TRIM69: variants seen among roughly 807,000 people sequenced by gnomAD.
TRIM69 encodes tripartite motif containing 69.
In TRIM69, 29 loss-of-function variants were observed where a neutral mutation model predicts 37.7. The observed-to-expected ratio is 0.77, with a 90% CI of 0.57 to 1.05. The LOEUF (loss-of-function observed/expected upper bound fraction) is 1.05, where lower values mean the gene tolerates loss of function less well. Ranked by LOEUF, TRIM69 falls within the 50% of genes least tolerant of loss-of-function variation. TRIM69 has a pLI of 0.00. For synonymous variants in TRIM69, 209 were observed against 212.4 expected, an observed-to-expected ratio of 0.98 and a Z score of 0.14; for missense variants, 596 against 579.9, an observed-to-expected ratio of 1.03 and a Z score of -0.28.
rs1002466155 is a variant in TRIM69, at chr15:44,750,899, T to C, written c.7-4001T>C. Among the ~76,000 whole-genome samples the C allele has an allele frequency of 9.0e-4, 132 of 146,616 alleles. 1 individual carries two copies. The highest frequency in any genetic ancestry group is 7.1e-3 in the Middle Eastern group (2 of 280). ...GCCACCACGCCTGGCTGATTTTTTA[T>C]CTTTTTAGTAGATTGTTTTTCTATT... On this transcript the variant is annotated intron_variant, in intron 1 of 6. Transcript: ENST00000329464.
At chr15:44,738,233 A>ATTTT (rs11440122) in intron 1 of TRIM69, among the ~76,000 whole-genome samples, 1 of 143,692 alleles carries the variant, frequency 7.0e-6, no homozygotes, top group Non-Finnish European at 1.5e-5. Context: ...TAATTTTTGT[A>ATTTT]TTATTATTTT....
intron 1 of TRIM69, chr15:44,754,675 G>C: frequency 1.9e-6 from 1 of 524,768 alleles, no homozygotes; most frequent in East Asian, 3.0e-5. Flanking sequence ...CTTTGATTTA[G>C]TACTGTTTCT....
intron 2 of TRIM69, 117 bp from the exon 3 acceptor site, chr15:44,756,251 A>C: frequency 1.6e-6 from 1 of 634,178 alleles, no homozygotes; most frequent in Non-Finnish European, 2.8e-6. Context: ...GGGGAAGGGG[A>C]AGATTTTTGC....
chr15:44,755,302 T>A lies in TRIM69; in HGVS notation c.409T>A (p.Cys137Ser), dbSNP rs780054663. The A allele has an allele frequency of 2.8e-5, 45 of 1,614,188 alleles. No homozygotes were observed. Among genetic ancestry groups the A allele is most frequent in the Middle Eastern group, 1.7e-4 (1 of 6,054 alleles). The change falls in exon 2 of 7, where the codon TGC becomes AGC. Residue 137 changes from cysteine to serine, a missense_variant. By Grantham distance (112) the Cys-to-Ser change is moderately radical. Transcript: ENST00000329464. ...AGATGGGAAACTGATCTGCTTTCAA[T>A]GCAAGGATGCTCGGTTGTCTGTGGG... is the stretch of plus-strand genomic sequence containing the variant. ...KPDGKLICFQ[C>S]KDARLSVGQS...
chr15:44,766,716 A>G (rs2087894444), intron 6 of TRIM69, among the ~76,000 whole-genome samples: 1 of 152,110 alleles, frequency 6.6e-6, no homozygotes, highest in African/African-American at 2.4e-5. Context: ...TTTACCCTAA[A>G]TATAAAAATG....
intron 1 of TRIM69, among the ~76,000 whole-genome samples, chr15:44,743,160 G>A (rs373335238): frequency 2.8e-4 from 42 of 152,088 alleles, no homozygotes; most frequent in East Asian, 7.7e-4. Flanking sequence ...AAATAATGCC[G>A]CATATCTACA....
chr15:44,754,875 T>C (rs1271416341), intron 1 of TRIM69, 25 bp from the exon 2 acceptor site: 2 of 1,527,380 alleles, frequency 1.3e-6, no homozygotes, highest in African/African-American at 2.7e-5. Context: ...AAAGATAAAC[T>C]CATTTTAGCT....
chr15:44,744,970 G>T (rs908563527), intron 1 of TRIM69, among the ~76,000 whole-genome samples: 1 of 148,218 alleles, frequency 6.7e-6, no homozygotes, highest in Non-Finnish European at 1.5e-5. Context: ...AGAAAGAAAG[G>T]CTGGGGAAAG....
rs1170988353 is a variant in TRIM69, at chr15:44,755,139, G to T, written c.246G>T (p.Lys82Asn). 2 of 1,614,210 alleles carry T rather than the reference G, an allele frequency of 1.2e-6. No individual in the cohort carries two copies. The highest frequency in any genetic ancestry group is 3.3e-5 in the Admixed American group (2 of 60,022). Residue 82 changes from lysine (K) to asparagine (N), a missense_variant, in exon 2 of 7, where the codon AAG (lysine) becomes AAT (asparagine). Physicochemically the swap from Lys to Asn is moderately conservative, Grantham distance 94. Coordinates refer to ENST00000329464, the MANE Select transcript of TRIM69 (RefSeq NM_182985.5). ...AGGAAACATTCTGTCCTGAGTGTAA[G>T]ATGCTATGTCAGTATAACAACTGTA... ...QAKETFCPECKMLCQYNNCTF... is the reference protein window; with the variant it reads ...QAKETFCPECNMLCQYNNCTF...
At chr15:44,757,839 C>A (rs2087684146) in intron 3 of TRIM69, 1 of 152,134 alleles carries the variant, frequency 6.6e-6, no homozygotes, top group Non-Finnish European at 1.5e-5. Context: ...TGTGCCCAGC[C>A]AAGACTATCT....
At chr15:44,757,018 G>A (rs2087665188) in intron 3 of TRIM69, 1 of 152,140 alleles carries the variant, frequency 6.6e-6, no homozygotes, top group South Asian at 2.1e-4. Context: ...CCCTAGATTG[G>A]GGGTGCTAAA....
intron 6 of TRIM69, among the ~76,000 whole-genome samples, chr15:44,765,544 A>G (rs1280626331): frequency 6.6e-6 from 1 of 152,176 alleles, no homozygotes; most frequent in Non-Finnish European, 1.5e-5. Flanking sequence ...GTTAGACTAG[A>G]GTTCATGACT....
At position 44,758,872 on chromosome 15, in the gene TRIM69, T is replaced by TCCACCCATAATCCACCC; in HGVS notation, c.813+18_813+19insCCACCCATAATCCACCC. The TCCACCCATAATCCACCC allele has an allele frequency of 6.2e-7, 1 of 1,602,330 alleles. No homozygotes were observed. The highest frequency in any genetic ancestry group is 8.5e-7 in the Non-Finnish European group (1 of 1,174,034). ...TTCTCAAAGTGAGAATCCACACCAA[T>TCCACCCATAATCCACCC]ATGATTATGGGTACCTTCCTACCTA... On this transcript the variant is annotated intron_variant, in intron 4 of 6. Transcript: ENST00000329464.
chr15:44,745,660 G>A (rs1001782429), intron 1 of TRIM69, among the ~76,000 whole-genome samples: 4 of 152,140 alleles, frequency 2.6e-5, no homozygotes, highest in African/African-American at 9.7e-5. Context: ...AGGAAACCAT[G>A]AGACTGATGT....
chr15:44,752,989 A>G (rs976810647), intron 1 of TRIM69: 1 of 152,198 alleles, frequency 6.6e-6, no homozygotes, highest in East Asian at 1.9e-4. Context: ...AACACACATA[A>G]CTATTGTTTT....
Position 44,747,322 on chromosome 15 carries a change from A to G in TRIM69, c.7-7578A>G, listed in dbSNP as rs369628756. Among the ~76,000 whole-genome samples the G allele has an allele frequency of 7.2e-5, 11 of 152,282 alleles. No homozygotes were observed. In the East Asian group the frequency reaches 2.1e-3, roughly 29 times the overall value. Reference sequence around the variant, plus strand: ...GTTGATCATGGGGAAAAAAGAACCCATGCAAACATTGTTTTATAAAGAAAA... The same window carrying G: ...GTTGATCATGGGGAAAAAAGAACCCGTGCAAACATTGTTTTATAAAGAAAA... On this transcript the variant is annotated intron_variant, in intron 1 of 6. Coordinates refer to ENST00000329464, the MANE Select transcript of TRIM69 (RefSeq NM_182985.5).
At chr15:44,759,163 T>C (rs554139798) in intron 4 of TRIM69, among the ~76,000 whole-genome samples, 2 of 152,354 alleles carry the variant, frequency 1.3e-5, no homozygotes, top group Non-Finnish European at 2.9e-5. Flanking sequence ...AATAAAAATG[T>C]TGCAGCCTGA....
chr15:44,767,781 A>G lies in TRIM69; in HGVS notation c.*9A>G. The G allele has an allele frequency of 6.3e-7, 1 of 1,592,904 alleles. No individual in the cohort carries two copies. Among genetic ancestry groups the G allele is most frequent in the South Asian group, 1.1e-5 (1 of 89,236 alleles). On this transcript the variant is annotated 3_prime_UTR_variant, in exon 7 of 7. Transcript: ENST00000329464. ...TCTTACATCCACAGTAATGAGTCAT[A>G]ATATTATACAAATTCAGAGTGTTAT...
intron 4 of TRIM69, among the ~76,000 whole-genome samples, chr15:44,759,335 T>A (rs2087723077): frequency 1.3e-5 from 2 of 152,228 alleles, no homozygotes; most frequent in Non-Finnish European, 2.9e-5. Flanking sequence ...GGGACTGGGA[T>A]ACCTAATGTG....
Sources: gnomAD v4.1 joint callset for allele counts (sites outside exome capture counted in the v4.1 genomes callset) on GRCh38, gnomAD v4.1.1 for gene constraint, MANE v1.5 for transcripts, NCBI Gene and HGNC (gene_info 2026-07-23, HGNC 2026-07-21) for gene names.